The following DAGLB variants were observed in gnomAD, a reference collection of about 807,000 sequenced individuals.
DAGLB encodes the protein diacylglycerol lipase beta, also known as diacylglycerol lipase-beta.
In DAGLB, 66 loss-of-function variants were observed where a neutral mutation model predicts 72.1. That is an observed-to-expected ratio of 0.92 (90% CI 0.75 to 1.12). The LOEUF is 1.12. Among genes scored for constraint, DAGLB ranks in the 50% most tolerant of loss-of-function variants. The pLI, the probability that DAGLB is intolerant of heterozygous loss-of-function variation, is 0.00. For missense variants in DAGLB, 1,065 were observed against 884.9 expected (o/e 1.20, Z -2.58); for synonymous variants, 414 against 359.5 (o/e 1.15, Z -1.71).
intron 6 of DAGLB, among the ~76,000 whole-genome samples, chr7:6,427,568 G>C (rs1206197442): frequency 6.6e-6 from 1 of 152,108 alleles, no homozygotes; most frequent in Non-Finnish European, 1.5e-5. Flanking sequence ...TGAGGTGAGA[G>C]AACCCCGTCT....
At chr7:6,419,573 A>C (rs964461747) in intron 9 of DAGLB, among the ~76,000 whole-genome samples, 1 of 152,228 alleles carries the variant, frequency 6.6e-6, no homozygotes, top group Non-Finnish European at 1.5e-5. Context: ...AATGAAGCCA[A>C]GAGGACAGGA....
intron 1 of DAGLB, among the ~76,000 whole-genome samples, chr7:6,446,426 C>T (rs531179704): frequency 8.5e-6 from 1 of 116,974 alleles, no homozygotes; most frequent in East Asian, 2.9e-4. Context: ...GGCAGTGAGC[C>T]GAGATCGTGT....
At chr7:6,423,741 CCAT>C (rs1562482375) in intron 8 of DAGLB, among the ~76,000 whole-genome samples, 1 of 152,170 alleles carries the variant, frequency 6.6e-6, no homozygotes, top group African/African-American at 2.4e-5. Flanking sequence ...GAGCCCACCA[CCAT>C]GCCTGGCTAA....
chr7:6,425,905 G>A (rs1359214938), intron 7 of DAGLB, 83 bp downstream of exon 7: 2 of 1,583,666 alleles, frequency 1.3e-6, no homozygotes, highest in African/African-American at 1.4e-5. Context: ...ATTACGGGAA[G>A]AATAATTCAT....
chr7:6,410,241 G>A lies in DAGLB; in HGVS notation c.1709C>T (p.Ser570Phe). 2 of 1,612,772 alleles carry A rather than the reference G, an allele frequency of 1.2e-6. No individual in the cohort carries two copies. Among genetic ancestry groups the A allele is most frequent in the South Asian group, 1.1e-5 (1 of 90,802 alleles). Residue 570 changes from serine (S) to phenylalanine (F), a missense_variant, in exon 14 of 15, where the codon TCC (serine) becomes TTC (phenylalanine). Coordinates refer to ENST00000297056, the MANE Select transcript of DAGLB (RefSeq NM_139179.4). ...GTCGCTGGAGAAGCTGTAGGCCGGG[G>A]ACCAGCGCGTCAGTAGGCTCTGCTC... ...LGEQSLLTRW[S>F]PAYSFSSDSP...
In DAGLB at chr7:6,445,979, G is replaced by A. The variant is rs934488061; in HGVS notation, c.221C>T (p.Ser74Leu). 3.1e-6 allele frequency: 5 copies of A among 1,610,044 alleles called. No homozygotes were observed. The highest frequency in any genetic ancestry group is 3.4e-5 in the Admixed American group (2 of 58,566). The part of the protein sequence containing the change: ...ILLAVVICTV[S>L]AIMCVSMRGT... ...TCTCATGCTGACACACATGATGGCT[G>A]ACACAGTACATATGACAACTGCCAG... is the stretch of plus-strand genomic sequence containing the variant. The change falls in exon 2 of 15, where the codon TCA (serine) becomes TTA (leucine). Residue 74 changes from serine (S) to leucine (L), a missense_variant. By Grantham distance (145) the Ser-to-Leu change is moderately radical (BLOSUM62 -2). Coordinates refer to ENST00000297056, the MANE Select transcript of DAGLB (RefSeq NM_139179.4).
In DAGLB at chr7:6,424,745, A is replaced by G. The variant is rs752369375; in HGVS notation, c.1140+7T>C. ...CCCAGGGCTGGAAAGTCAGGTTCCA[A>G]CGTTACCTGCAGAGACATGGTCCCC... On this transcript the variant is annotated splice_region_variant and intron_variant, in intron 8 of 14. Transcript: ENST00000297056. 5.0e-6 allele frequency: 8 copies of G among 1,613,082 alleles called. No homozygotes were observed. Among genetic ancestry groups the G allele is most frequent in the South Asian group, 1.1e-5 (1 of 91,074 alleles).
chr7:6,415,859 A>T (rs1050927388), intron 11 of DAGLB, among the ~76,000 whole-genome samples: 14 of 151,744 alleles, frequency 9.2e-5, no homozygotes, highest in Non-Finnish European at 1.5e-4. Flanking sequence ...AAAAAAAAAA[A>T]AGTAATTTTC....
intron 13 of DAGLB, among the ~76,000 whole-genome samples, chr7:6,411,584 G>A (rs749766817): frequency 1.3e-5 from 2 of 152,152 alleles, no homozygotes; most frequent in Non-Finnish European, 2.9e-5. Flanking sequence ...CTGCGCCACT[G>A]CACTCCAGCC....
At chr7:6,434,620 G>C (rs900917630) in intron 4 of DAGLB, 142 bp downstream of exon 4, 1 of 1,368,338 alleles carries the variant, frequency 7.3e-7, no homozygotes, top group Admixed American at 2.1e-5. Context: ...GCTCATCACA[G>C]ACAGAGGGTC....
intron 13 of DAGLB, among the ~76,000 whole-genome samples, chr7:6,410,722 C>T (rs1562476538): frequency 6.6e-6 from 1 of 152,122 alleles, no homozygotes; most frequent in East Asian, 1.9e-4. Context: ...ACCCTTCCTT[C>T]CCTGAAAGGC....
chr7:6,436,326 T>A (rs752292580), intron 3 of DAGLB, 36 bp downstream of exon 3: 3 of 1,582,166 alleles, frequency 1.9e-6, no homozygotes, highest in South Asian at 2.3e-5. Flanking sequence ...ATGCCTCAAA[T>A]CCACTGAAAC....
chr7:6,444,038 G>T (rs548800725), intron 2 of DAGLB, among the ~76,000 whole-genome samples: 1 of 152,248 alleles, frequency 6.6e-6, no homozygotes. Flanking sequence ...AGACCGAGAC[G>T]AGAGGATCAC....
chr7:6,417,640 A>G (rs1783964472), intron 9 of DAGLB: 1 of 151,914 alleles, frequency 6.6e-6, no homozygotes, highest in African/African-American at 2.4e-5. Flanking sequence ...GCTATTTGGG[A>G]GGCTGAGGCA....
chr7:6,410,219 G>T lies in DAGLB; in HGVS notation c.1731C>A (p.Ser577Arg). 2 of 1,609,644 alleles carry T rather than the reference G, an allele frequency of 1.2e-6. No homozygotes were observed. The highest frequency in any genetic ancestry group is 1.7e-5 in the Admixed American group (1 of 59,280). The change falls in exon 14 of 15, where the codon AGC (serine) becomes AGA (arginine). Residue 577 changes from serine to arginine, a missense_variant. Physicochemically the swap from Ser to Arg is moderately radical, Grantham distance 110. Transcript: ENST00000297056. Reference sequence around the variant, plus strand: ...TGGGAGAAGAGTCCAGTGGGGAGTCGCTGGAGAAGCTGTAGGCCGGGGACC... The same window carrying T: ...TGGGAGAAGAGTCCAGTGGGGAGTCTCTGGAGAAGCTGTAGGCCGGGGACC... ...TRWSPAYSFS[S>R]DSPLDSSPKY...
chr7:6,414,531 G>T (rs2115243040), intron 11 of DAGLB, among the ~76,000 whole-genome samples: 1 of 152,016 alleles, frequency 6.6e-6, no homozygotes, highest in East Asian at 1.9e-4. Flanking sequence ...GATCTCCTGG[G>T]CTCAAGTGAT....
intron 6 of DAGLB, among the ~76,000 whole-genome samples, chr7:6,430,057 T>C (rs1167259835): frequency 6.7e-6 from 1 of 149,696 alleles, no homozygotes; most frequent in African/African-American, 2.5e-5. Context: ...AAATGAAAAT[T>C]AGCCGGGCAT....
rs1257026963 is a variant in DAGLB, at chr7:6,426,008, G to T, written c.1036C>A (p.His346Asn). 1 of 1,614,016 alleles carries T rather than the reference G, an allele frequency of 6.2e-7. No homozygotes were observed. The highest frequency in any genetic ancestry group is 1.7e-5 in the Admixed American group (1 of 59,996). Reference protein sequence around the residue: ...TTGLQYRDFIHVSFHDKVYEL... With the variant: ...TTGLQYRDFINVSFHDKVYEL... The stretch of plus-strand genomic sequence containing the variant: ...CACACCTTGTCATGGAAGCTGACGT[G>T]GATGAAGTCCCTGTACTGCAGCCCT... The change falls in exon 7 of 15, where the codon CAC (histidine) becomes AAC (asparagine). Residue 346 changes from histidine (H) to asparagine (N), a missense_variant. Transcript: ENST00000297056.
chr7:6,421,916 A>G (rs2115257553), intron 8 of DAGLB, 112 bp from the exon 9 acceptor site: 1 of 1,201,918 alleles, frequency 8.3e-7, no homozygotes, highest in Non-Finnish European at 1.2e-6. Context: ...GGATGGCACC[A>G]TCTCCTAGTT....
Sources: allele counts gnomAD v4.1 joint callset (sites outside exome capture counted in the v4.1 genomes callset), GRCh38; gene constraint gnomAD v4.1.1; transcripts MANE v1.5; gene names NCBI Gene and HGNC (gene_info 2026-07-23, HGNC 2026-07-21).